Variants in TMTC1 observed in about 807,000 individuals in gnomAD.
TMTC1 encodes the protein protein O-mannosyl-transferase TMTC1.
A neutral mutation model predicts 104.8 loss-of-function variants in TMTC1; 73 were observed. The ratio of observed to expected loss-of-function variants is 0.70; its 90% CI spans 0.58 to 0.85. The LOEUF is 0.85. Ranked by LOEUF, TMTC1 falls within the 40% of genes least tolerant of loss-of-function variation. The pLI is 0.00. For synonymous variants in TMTC1, 434 were observed against 428.7 expected, an observed-to-expected ratio of 1.01 and a Z score of -0.15; for missense variants, 1,035 against 1,096.1, an observed-to-expected ratio of 0.94 and a Z score of 0.79.
intron 5 of TMTC1, among the ~76,000 whole-genome samples, chr12:29,648,256 T>C (rs1939358385): frequency 6.6e-6 from 1 of 152,168 alleles, no homozygotes. Flanking sequence ...GATTCCCTAG[T>C]GTTTTTGAGG....
intron 5 of TMTC1, among the ~76,000 whole-genome samples, chr12:29,639,703 A>C (rs1402715814): frequency 6.6e-6 from 1 of 152,214 alleles, no homozygotes; most frequent in East Asian, 1.9e-4. Context: ...GACTTTTCTT[A>C]ATAGCGCCAA....
intron 2 of TMTC1, among the ~76,000 whole-genome samples, chr12:29,760,674 A>T (rs188394074): frequency 9.2e-5 from 14 of 152,076 alleles, no homozygotes; most frequent in Non-Finnish European, 2.1e-4. Flanking sequence ...ATGAGAAAAC[A>T]TCAAACTCAA....
In TMTC1 at chr12:29,510,365, G is replaced by A. The variant is rs931511441; in HGVS notation, c.2508+1678C>T. ...TATATGATCCATCTTGGACCAAAAT[G>A]ATGTCATGTGGCACATGACTGTATT... is the stretch of plus-strand genomic sequence containing the variant. On this transcript the variant is annotated intron_variant, in intron 17 of 17. Coordinates refer to ENST00000539277, the MANE Select transcript of TMTC1 (RefSeq NM_001193451.2). Among the ~76,000 whole-genome samples, 5 of 152,260 alleles carry A rather than the reference G, an allele frequency of 3.3e-5. No homozygotes were observed. The South Asian group carries it at 6.2e-4, about 19-fold the overall frequency.
chr12:29,555,549 C>A (rs1343276563), intron 10 of TMTC1, among the ~76,000 whole-genome samples: 3 of 151,934 alleles, frequency 2.0e-5, no homozygotes, highest in Non-Finnish European at 2.9e-5. Flanking sequence ...TGTTCAACTC[C>A]CAATTATGAG....
intron 9 of TMTC1, among the ~76,000 whole-genome samples, chr12:29,565,205 G>A (rs1439082803): frequency 6.6e-6 from 1 of 152,158 alleles, no homozygotes; most frequent in Non-Finnish European, 1.5e-5. Flanking sequence ...TCTCCTTCCA[G>A]GGAAGTCTGT....
intron 5 of TMTC1, among the ~76,000 whole-genome samples, chr12:29,750,959 G>C (rs1023397956): frequency 6.6e-6 from 1 of 152,218 alleles, no homozygotes; most frequent in Non-Finnish European, 1.5e-5. Context: ...CCCTGTCCCA[G>C]CAGGGGAGCC....
intron 10 of TMTC1, among the ~76,000 whole-genome samples, chr12:29,536,701 T>C (rs565071965): frequency 2.6e-5 from 4 of 152,286 alleles, no homozygotes; most frequent in South Asian, 2.1e-4. Flanking sequence ...GTGAAGATAT[T>C]TGGGTCCCTG....
At chr12:29,589,431 C>G (rs1373980654) in intron 7 of TMTC1, among the ~76,000 whole-genome samples, 1 of 152,158 alleles carries the variant, frequency 6.6e-6, no homozygotes, top group African/African-American at 2.4e-5. Context: ...AGATATAAAC[C>G]CAGGAATTTC....
At chr12:29,692,842 A>G (rs1474850268) in intron 5 of TMTC1, among the ~76,000 whole-genome samples, 1 of 145,364 alleles carries the variant, frequency 6.9e-6, no homozygotes, top group East Asian at 2.3e-4. Context: ...TACATGTTAT[A>G]ACATAGATAA....
intron 7 of TMTC1, among the ~76,000 whole-genome samples, chr12:29,603,101 A>C (rs1946609912): frequency 6.6e-6 from 1 of 152,088 alleles, no homozygotes; most frequent in Admixed American, 6.6e-5. Context: ...GTCCTTATTG[A>C]ATAGTATTTA....
chr12:29,686,909 T>A (rs1007189147), intron 5 of TMTC1, among the ~76,000 whole-genome samples: 1 of 152,172 alleles, frequency 6.6e-6, no homozygotes, highest in African/African-American at 2.4e-5. Flanking sequence ...TTTCACCACA[T>A]TTGGAGTTAT....
intron 5 of TMTC1, among the ~76,000 whole-genome samples, chr12:29,691,822 A>G (rs12308416): frequency 0.12 from 16,847 of 144,242 alleles, 3,041 homozygotes; most frequent in African/African-American, 0.25. Context: ...TTGGAAGGAA[A>G]AACATGAAAT....
At chr12:29,750,062 T>TAC (rs34859060) in intron 5 of TMTC1, among the ~76,000 whole-genome samples, 43,139 of 146,456 alleles carry the variant, frequency 0.29, 6,230 homozygotes, top group Non-Finnish European at 0.34. Flanking sequence ...TAACTGTCTA[T>TAC]ACACACACAC....
intron 5 of TMTC1, among the ~76,000 whole-genome samples, chr12:29,643,841 ATATATTTATATATATTTATATATATTTT>A (rs1382280794): frequency 4.6e-4 from 36 of 78,886 alleles, no homozygotes; most frequent in African/African-American, 1.3e-3. Context: ...ATATATATTT[ATATATTTATATATATTTATATATATTTT>A]TATATATAAA....
chr12:29,621,381 T>C (rs887335104), intron 6 of TMTC1, among the ~76,000 whole-genome samples: 1 of 152,250 alleles, frequency 6.6e-6, no homozygotes, highest in Non-Finnish European at 1.5e-5. Context: ...TTCAACCATA[T>C]GGATCTATGG....
At chr12:29,623,431 A>G (rs1163514495) in intron 6 of TMTC1, among the ~76,000 whole-genome samples, 1 of 152,212 alleles carries the variant, frequency 6.6e-6, no homozygotes, top group African/African-American at 2.4e-5. Flanking sequence ...ATGAAATAGG[A>G]AGCAAGAAGA....
At chr12:29,632,154 T>C (rs1435090638) in intron 6 of TMTC1, among the ~76,000 whole-genome samples, 1 of 152,216 alleles carries the variant, frequency 6.6e-6, no homozygotes, top group Non-Finnish European at 1.5e-5. Flanking sequence ...TTTCCAAAAT[T>C]GTAAAACTTT....
intron 5 of TMTC1, among the ~76,000 whole-genome samples, chr12:29,731,698 A>G (rs1019701535): frequency 6.6e-6 from 1 of 152,230 alleles, no homozygotes; most frequent in African/African-American, 2.4e-5. Context: ...AATACAAAAA[A>G]AGGAAATGAA....
At chr12:29,596,371 T>C (rs945537379) in intron 7 of TMTC1, among the ~76,000 whole-genome samples, 13 of 152,196 alleles carry the variant, frequency 8.5e-5, no homozygotes, top group African/African-American at 2.9e-4. Flanking sequence ...AATGGTATCA[T>C]TAAGTTTTAT....
Sources: gnomAD v4.1 joint callset for allele counts (sites outside exome capture counted in the v4.1 genomes callset) on GRCh38, gnomAD v4.1.1 for gene constraint, MANE v1.5 for transcripts, NCBI Gene and HGNC (gene_info 2026-07-23, HGNC 2026-07-21) for gene names.